Variants in VPS13D observed in about 807,000 individuals in gnomAD.
The protein encoded by VPS13D is vacuolar protein sorting 13 homolog D, also known as intermembrane lipid transfer protein VPS13D.
In VPS13D, 187 loss-of-function variants were observed where a neutral mutation model predicts 461.9. The ratio of observed to expected loss-of-function variants is 0.40; its 90% confidence interval spans 0.36 to 0.46. The LOEUF (loss-of-function observed/expected upper bound fraction) is 0.46, where lower values mean the gene tolerates loss of function less well. VPS13D is among the 20% of genes least tolerant of loss of function. VPS13D has a pLI of 0.60. For missense variants in VPS13D, 4,711 were observed against 5,364.9 expected (o/e 0.88, Z 3.81); for synonymous variants, 1,951 against 1,986.3 (o/e 0.98, Z 0.47).
In VPS13D at chr1:12,276,358, C is replaced by T. The variant is rs531546108; in HGVS notation, c.2770C>T (p.Arg924Trp). Residue 924 changes from arginine to tryptophan, a missense_variant, in exon 19 of 70, where the codon CGG becomes TGG. Transcript: ENST00000620676. This position sits in a 1 kb window ranked among gnomAD's most constrained non-coding sequence, Gnocchi z 4.5. Reference protein sequence around the residue: ...KEKIFPQEEQRGSLQDSVMNL... With the variant: ...KEKIFPQEEQWGSLQDSVMNL... Reference sequence around the variant, plus strand: ...AAAGATTTTTCCCCAGGAGGAGCAGCGGGGAAGTTTGCAAGACTCCGTAAT... The same window carrying T: ...AAAGATTTTTCCCCAGGAGGAGCAGTGGGGAAGTTTGCAAGACTCCGTAAT... The T allele has an allele frequency of 7.4e-6, 12 of 1,614,144 alleles. No homozygotes were observed. Among genetic ancestry groups the T allele is most frequent in the African/African-American group, 4.0e-5 (3 of 75,046 alleles).
intron 65 of VPS13D, among the ~76,000 whole-genome samples, chr1:12,443,470 G>A (rs1243281867): frequency 6.6e-6 from 1 of 152,186 alleles, no homozygotes; most frequent in Non-Finnish European, 1.5e-5. Context: ...ACATATAAAA[G>A]TCTCTCCATT....
At chr1:12,461,170 T>C (rs983841933) in intron 67 of VPS13D, among the ~76,000 whole-genome samples, 1 of 152,234 alleles carries the variant, frequency 6.6e-6, no homozygotes, top group Non-Finnish European at 1.5e-5. Flanking sequence ...CCAGCCAAGC[T>C]AGACTCGACT....
rs143976598 is a variant in VPS13D, at chr1:12,416,923, T to C, written c.12333+96T>C. 5.9e-5 allele frequency: 80 copies of C among 1,345,344 alleles called. No homozygotes were observed. In the African/African-American group the frequency reaches 1.0e-3, roughly 17 times the overall value. 83.3% of individuals were successfully genotyped at this position (1,345,344 alleles called of 1,614,324 possible). A position where few individuals can be genotyped will look rare whatever the true frequency, so the allele number is the denominator to read the frequency against. ...ATAGTTAATGGGCTGTGAAAAGTTA[T>C]ATTCATGGCTTTTGCTTCATTGCCC... On this transcript the variant is annotated intron_variant, in intron 65 of 69. Coordinates refer to ENST00000620676, the MANE Select transcript of VPS13D (RefSeq NM_015378.4).
chr1:12,401,875 A>G (rs1364575584), intron 62 of VPS13D, among the ~76,000 whole-genome samples, 171 bp downstream of exon 62: 1 of 152,120 alleles, frequency 6.6e-6, no homozygotes, highest in East Asian at 1.9e-4. Context: ...TCAAAGTATT[A>G]CTTGTTGTCT....
intron 58 of VPS13D, among the ~76,000 whole-genome samples, chr1:12,383,392 A>C (rs542502910): frequency 3.2e-4 from 48 of 152,266 alleles, no homozygotes; most frequent in Non-Finnish European, 6.3e-4. Context: ...AACCTAAAAA[A>C]GTATAAGATT....
Position 12,234,205 on chromosome 1 carries a change from A to T in VPS13D, c.-62A>T, listed in dbSNP as rs1640074527. On this transcript the variant is annotated 5_prime_UTR_variant, in exon 2 of 70. An upstream start codon of the reference 5' UTR is lost. Coordinates refer to ENST00000620676, the MANE Select transcript of VPS13D (RefSeq NM_015378.4). ...TCCTTTCATAGATTTTTCTGTGACCATGAAAGAGAGAAATAAAGAATGATC... is the reference window on the plus strand; with the variant it reads ...TCCTTTCATAGATTTTTCTGTGACCTTGAAAGAGAGAAATAAAGAATGATC... 3 of 1,215,856 alleles carry T rather than the reference A, an allele frequency of 2.5e-6. No homozygotes were observed. The highest frequency in any genetic ancestry group is 3.6e-6 in the Non-Finnish European group (3 of 836,980). 75.3% of individuals were successfully genotyped at this position (1,215,856 alleles called of 1,614,324 possible).
intron 37 of VPS13D, among the ~76,000 whole-genome samples, chr1:12,332,678 C>T (rs1181324912): frequency 6.6e-6 from 1 of 152,016 alleles, no homozygotes; most frequent in African/African-American, 2.4e-5. Flanking sequence ...CCCTTGGGAA[C>T]TTGTAATTTT....
intron 67 of VPS13D, among the ~76,000 whole-genome samples, chr1:12,460,655 G>T (rs1401390368): frequency 2.7e-5 from 4 of 149,840 alleles, no homozygotes; most frequent in African/African-American, 9.8e-5. Context: ...TGTATATATA[G>T]CATATTATAT....
chr1:12,482,732 A>G (rs1389337941), intron 67 of VPS13D, among the ~76,000 whole-genome samples: 1 of 141,270 alleles, frequency 7.1e-6, no homozygotes, highest in Non-Finnish European at 1.5e-5. Context: ...ATATATGTGT[A>G]TATACACTAG....
chr1:12,262,805 G>A (rs184300298), intron 13 of VPS13D, among the ~76,000 whole-genome samples: 82 of 151,890 alleles, frequency 5.4e-4, no homozygotes, highest in African/African-American at 2.0e-3. Context: ...TTGGGTTCAA[G>A]CGATTTTCCT....
At chr1:12,273,555 C>T (rs1336893737) in intron 18 of VPS13D, among the ~76,000 whole-genome samples, 1 of 152,154 alleles carries the variant, frequency 6.6e-6, no homozygotes, top group Non-Finnish European at 1.5e-5. Context: ...CATTAAACAC[C>T]AATTCCCCTT....
In VPS13D at chr1:12,277,466, A is replaced by T. The variant is rs754981851; in HGVS notation, c.3878A>T (p.Tyr1293Phe). 6.2e-7 allele frequency: 1 copy of T among 1,614,192 alleles called. No individual in the cohort carries two copies. Among genetic ancestry groups the T allele is most frequent in the Non-Finnish European group, 8.5e-7 (1 of 1,180,028 alleles). ...FLNLKMASLHYNHSAKFLKEL... is the reference protein window; with the variant it reads ...FLNLKMASLHFNHSAKFLKEL... ...AACCTGAAGATGGCTTCTTTACATTATAACCACTCTGCTAAGTTTTTGAAG... is the reference window on the plus strand; with the variant it reads ...AACCTGAAGATGGCTTCTTTACATTTTAACCACTCTGCTAAGTTTTTGAAG... The change falls in exon 19 of 70, where the codon TAT becomes TTT. Residue 1293 changes from tyrosine to phenylalanine, a missense_variant. Tyr to Phe is a conservative substitution (Grantham distance 22). This residue lies in a region of VPS13D where 4,411 missense variants were observed against 4,937.8 expected (regional missense o/e 0.89). Coordinates refer to ENST00000620676, the MANE Select transcript of VPS13D (RefSeq NM_015378.4).
chr1:12,455,907 T>G, intron 65 of VPS13D, 91 bp from the exon 66 acceptor site: 1 of 1,439,494 alleles, frequency 6.9e-7, no homozygotes, highest in African/African-American at 1.4e-5. Context: ...CTTATCTAAT[T>G]GTATTTAATT....
intron 34 of VPS13D, 55 bp from the exon 35 acceptor site, chr1:12,323,651 G>T (rs999955537): frequency 6.6e-7 from 1 of 1,510,818 alleles, no homozygotes. Context: ...AAATTAGTTT[G>T]TAGATTAATT....
At position 12,346,591 on chromosome 1, in the gene VPS13D, G is replaced by A. The variant is rs1272956418; in HGVS notation, c.9022-14G>A. ...TAAGTCTGTGCTGACTCTAACTTTTGAAATCTTTTTCAGATTGGCAGCCCA... is the reference window on the plus strand; with the variant it reads ...TAAGTCTGTGCTGACTCTAACTTTTAAAATCTTTTTCAGATTGGCAGCCCA... On this transcript the variant is annotated splice_polypyrimidine_tract_variant and intron_variant, in intron 43 of 69. Coordinates refer to ENST00000620676, the MANE Select transcript of VPS13D (RefSeq NM_015378.4). 6.2e-7 allele frequency: 1 copy of A among 1,612,218 alleles called. No individual in the cohort carries two copies. The highest frequency in any genetic ancestry group is 8.5e-7 in the Non-Finnish European group (1 of 1,179,538).
intron 67 of VPS13D, among the ~76,000 whole-genome samples, chr1:12,475,318 G>T (rs1234141996): frequency 6.6e-6 from 1 of 152,180 alleles, no homozygotes; most frequent in Non-Finnish European, 1.5e-5. Context: ...CAAAGGGGGA[G>T]AGGGTCATCC....
Position 12,277,827 on chromosome 1 carries a change from AGAT to A in VPS13D, c.4245_4247del (p.Asp1415del). 2 of 1,610,414 alleles carry A rather than the reference AGAT, an allele frequency of 1.2e-6. No homozygotes were observed. Among genetic ancestry groups the A allele is most frequent in the Non-Finnish European group, 1.7e-6 (2 of 1,178,854 alleles). On this transcript the variant is annotated inframe_deletion, in exon 19 of 70. Coordinates refer to ENST00000620676, the MANE Select transcript of VPS13D (RefSeq NM_015378.4). ...TATTCATCCAGAATTTTGTGGCGGG[AGAT>A]GATGAATCCAGAAGTGACCGTCTGC...
intron 52 of VPS13D, among the ~76,000 whole-genome samples, chr1:12,367,997 C>T (rs1377272318): frequency 1.3e-5 from 2 of 152,100 alleles, no homozygotes; most frequent in Non-Finnish European, 2.9e-5. Context: ...TCTCGAACTC[C>T]TGGGCTAAAG....
Position 12,497,563 on chromosome 1 carries a change from A to T in VPS13D, c.12726A>T (p.Arg4242=). 6.2e-7 allele frequency: 1 copy of T among 1,614,102 alleles called. No individual in the cohort carries two copies. The highest frequency in any genetic ancestry group is 1.1e-5 in the South Asian group (1 of 91,070). The change falls in exon 68 of 70, where the codon CGA becomes CGT. Residue 4242 remains arginine (R), a synonymous_variant. Transcript: ENST00000620676. ...CCTGPQGLLP[R]YSESQAEGQE... ...CGGGGCCCCAGGGGCTGCTTCCCCGATATTCTGAGAGCCAGGCGGAAGGAC... is the reference window on the plus strand; with the variant it reads ...CGGGGCCCCAGGGGCTGCTTCCCCGTTATTCTGAGAGCCAGGCGGAAGGAC...
Sources: allele counts gnomAD v4.1 joint callset (sites outside exome capture counted in the v4.1 genomes callset), GRCh38; gene constraint gnomAD v4.1.1; regional missense constraint gnomAD v4.1.1; non-coding constraint Gnocchi (gnomAD v3.1); transcripts MANE v1.5; gene names NCBI Gene and HGNC (gene_info 2026-07-23, HGNC 2026-07-21).